Variants in CELSR1 observed in about 807,000 individuals in gnomAD.
The protein encoded by CELSR1 is cadherin EGF LAG seven-pass G-type receptor 1.
In CELSR1, 110 loss-of-function variants were observed where a neutral mutation model predicts 249.1. The ratio of observed to expected loss-of-function variants is 0.44; its 90% CI spans 0.38 to 0.52. The LOEUF (loss-of-function observed/expected upper bound fraction) is 0.52, where lower values mean the gene tolerates loss of function less well. Ranked by LOEUF, CELSR1 falls within the 20% of genes least tolerant of loss-of-function variation. The pLI is 0.00. For synonymous variants in CELSR1, 2,113 were observed against 1,900.0 expected, an observed-to-expected ratio of 1.11 and a Z score of -2.92; for missense variants, 4,109 against 4,296.4, an observed-to-expected ratio of 0.96 and a Z score of 1.22.
intron 2 of CELSR1, among the ~76,000 whole-genome samples, chr22:46,458,362 C>T (rs985431934): frequency 2.6e-5 from 4 of 152,128 alleles, no homozygotes; most frequent in South Asian, 2.1e-4. Context: ...GCATCCTGGG[C>T]GCTCCGTGAA....
Position 46,468,301 on chromosome 22 carries a change from G to A in CELSR1, c.3545-3956C>T, listed in dbSNP as rs907452232. ...CTCGGGAGGCTGAGGCAGGAGAATC[G>A]CTTGAACCCAAGAGGTGGAGGTTGT... is the stretch of plus-strand genomic sequence containing the variant. On this transcript the variant is annotated intron_variant, in intron 1 of 34. Coordinates refer to ENST00000674500, the MANE Select transcript of CELSR1 (RefSeq NM_001378328.1). This position sits in a 1 kb window ranked among gnomAD's most constrained non-coding sequence, Gnocchi z 4.5. 6.6e-6 allele frequency among the ~76,000 whole-genome samples: 1 copy of A among 151,230 alleles called. No homozygotes were observed. Among genetic ancestry groups the A allele is most frequent in the East Asian group, 1.9e-4 (1 of 5,142 alleles).
rs777442008 is a variant in CELSR1, at chr22:46,390,460, C to T, written c.6277G>A (p.Glu2093Lys). The T allele has an allele frequency of 1.9e-5, 31 of 1,613,930 alleles. No individual in the cohort carries two copies. Among genetic ancestry groups the T allele is most frequent in the Non-Finnish European group, 2.6e-5 (31 of 1,179,956 alleles). ...AGCTCTGGGGGCAGCCAGCCCTTCT[C>T]CCCGCTGCAGTGTCGGACCGCATTT... ...VGNAVRHCSGEKGWLPPELFN... is the reference protein window; with the variant it reads ...VGNAVRHCSGKKGWLPPELFN... Residue 2093 changes from glutamate to lysine, a missense_variant, in exon 17 of 35, where the codon GAG becomes AAG. Around this residue, in one of 7 missense-constraint regions of CELSR1, gnomAD observed 1,805 missense variants for 1,831.6 expected, o/e 0.99. Transcript: ENST00000674500. The surrounding 1 kb of genome is among the most constrained non-coding windows in gnomAD (Gnocchi z 6.3).
At chr22:46,378,530 GGGGGAGGGGCAGGTTTGGC>G (rs979754984) in intron 23 of CELSR1, 42 bp downstream of exon 23, 1 of 1,519,408 alleles carries the variant, frequency 6.6e-7, no homozygotes, top group Non-Finnish European at 8.9e-7. Flanking sequence ...GCAGGTTTGG[GGGGGAGGGGCAGGTTTGGC>G]GGTAGGCCCA....
chr22:46,364,447 C>T, intron 33 of CELSR1, 65 bp downstream of exon 33: 1 of 1,547,872 alleles, frequency 6.5e-7, no homozygotes, highest in Non-Finnish European at 8.8e-7. Context: ...CTCCCACCTC[C>T]AGACCAGGGA....
intron 2 of CELSR1, chr22:46,462,807 T>TTA: frequency 2.6e-6 from 1 of 383,846 alleles, no homozygotes; most frequent in East Asian, 9.3e-5. Context: ...GGGTGGCTCT[T>TTA]TATTTTTAAA....
Position 46,534,853 on chromosome 22 carries a change from G to A in CELSR1, c.2318C>T (p.Ala773Val), listed in dbSNP as rs12170597. 1,486 of 1,612,898 alleles carry A rather than the reference G, an allele frequency of 9.2e-4. 21 individuals carry two copies. In the African/African-American group the frequency reaches 0.018, roughly 19 times the overall value. Residue 773 changes from alanine to valine, a missense_variant, in exon 1 of 35, where the codon GCG (alanine) becomes GTG (valine). Ala to Val is a moderately conservative substitution (Grantham distance 64, BLOSUM62 0). Transcript: ENST00000674500. The surrounding 1 kb of genome is among the most constrained non-coding windows in gnomAD (Gnocchi z 9.7). ...TASDGTRSHTAHVLINVTDAN... is the reference protein window; with the variant it reads ...TASDGTRSHTVHVLINVTDAN... ...ATCAGTGACGTTGATTAGGACATGC[G>A]CAGTGTGCGACCGTGTGCCGTCGGA... is the stretch of plus-strand genomic sequence containing the variant.
Position 46,431,187 on chromosome 22 carries a change from C to T in CELSR1, c.4611+2206G>A, listed in dbSNP as rs766180029. On this transcript the variant is annotated intron_variant, in intron 5 of 34. Coordinates refer to ENST00000674500, the MANE Select transcript of CELSR1 (RefSeq NM_001378328.1). ...CTCTCCTCCGGGACAGTGCAGGTGG[C>T]GTCCTGCACGGGGACTTTGCTCCTC... is the stretch of plus-strand genomic sequence containing the variant. Among the ~76,000 whole-genome samples, 80 of 152,312 alleles carry T rather than the reference C, an allele frequency of 5.3e-4. 1 individual carries two copies. The highest frequency in any genetic ancestry group is 9.1e-4 in the Non-Finnish European group (62 of 68,018).
At chr22:46,461,300 C>T (rs2080023677) in intron 2 of CELSR1, among the ~76,000 whole-genome samples, 1 of 152,236 alleles carries the variant, frequency 6.6e-6, no homozygotes, top group Non-Finnish European at 1.5e-5. Context: ...GTGGGTCTTA[C>T]TGGTGATGAC....
At chr22:46,456,247 G>GTGA (rs1266267564) in intron 2 of CELSR1, among the ~76,000 whole-genome samples, 6 of 152,282 alleles carry the variant, frequency 3.9e-5, no homozygotes, top group Admixed American at 6.5e-5. Context: ...ACTCCGCAGG[G>GTGA]TGATGGCACA....
At chr22:46,507,031 C>T (rs562521725) in intron 1 of CELSR1, among the ~76,000 whole-genome samples, 2 of 152,230 alleles carry the variant, frequency 1.3e-5, no homozygotes, top group Admixed American at 1.3e-4. Flanking sequence ...ACTAAAAATA[C>T]AAAAATTAGC....
intron 1 of CELSR1, among the ~76,000 whole-genome samples, chr22:46,508,885 C>T (rs2080543810): frequency 6.6e-6 from 1 of 152,168 alleles, no homozygotes; most frequent in Non-Finnish European, 1.5e-5. Flanking sequence ...GCAGTCAGAC[C>T]CTGCTGTTGT....
At chr22:46,392,033 G>A (rs549213536) in intron 14 of CELSR1, among the ~76,000 whole-genome samples, 3 of 152,314 alleles carry the variant, frequency 2.0e-5, no homozygotes, top group African/African-American at 2.4e-5. Flanking sequence ...CAGTTCTTCC[G>A]GGAAGCACGC....
intron 5 of CELSR1, among the ~76,000 whole-genome samples, chr22:46,416,651 C>T (rs2079405420): frequency 6.6e-6 from 1 of 152,214 alleles, no homozygotes; most frequent in Non-Finnish European, 1.5e-5. Context: ...AAAAAACCTA[C>T]AGTGCCGCTG....
At chr22:46,524,160 G>A (rs1032605536) in intron 1 of CELSR1, among the ~76,000 whole-genome samples, 3 of 152,192 alleles carry the variant, frequency 2.0e-5, no homozygotes, top group Admixed American at 6.5e-5. Flanking sequence ...TCTTCCTGTC[G>A]CTACAAGCTC....
At position 46,381,073 on chromosome 22, in the gene CELSR1, A is replaced by C; in HGVS notation, c.7089-118T>G. On this transcript the variant is annotated intron_variant, in intron 21 of 34. Coordinates refer to ENST00000674500, the MANE Select transcript of CELSR1 (RefSeq NM_001378328.1). The surrounding 1 kb of genome is among the most constrained non-coding windows in gnomAD (Gnocchi z 6.0). ...GTGTTTCTAGGGGAGACAGAATCAC[A>C]CTCCGAGAGCTCGGACCCACGGACC... 8.9e-7 allele frequency: 1 copy of C among 1,121,630 alleles called. No individual in the cohort carries two copies. The highest frequency in any genetic ancestry group is 2.4e-5 in the Admixed American group (1 of 42,362). 69.5% of individuals were successfully genotyped at this position (1,121,630 alleles called of 1,614,324 possible). A position where few individuals can be genotyped will look rare whatever the true frequency, so the allele number is the denominator to read the frequency against.
chr22:46,421,957 A>G (rs986616512), intron 5 of CELSR1, among the ~76,000 whole-genome samples: 2 of 152,234 alleles, frequency 1.3e-5, no homozygotes, highest in African/African-American at 4.8e-5. Flanking sequence ...AATCAAAGCC[A>G]ACAAGGCCCT....
chr22:46,510,347 C>T (rs1001471165), intron 1 of CELSR1, among the ~76,000 whole-genome samples: 6 of 152,094 alleles, frequency 3.9e-5, no homozygotes, highest in African/African-American at 1.4e-4. Context: ...ACCCCCTTTC[C>T]GAGCCACGGA....
chr22:46,490,331 G>C lies in CELSR1; in HGVS notation c.3545-25986C>G, dbSNP rs2080355409. On this transcript the variant is annotated intron_variant, in intron 1 of 34. Coordinates refer to ENST00000674500, the MANE Select transcript of CELSR1 (RefSeq NM_001378328.1). The surrounding 1 kb of genome is among the most constrained non-coding windows in gnomAD (Gnocchi z 5.2). ...AGACAGAGTCTCGCTCTGCCACCCA[G>C]GCTGGAGTACAGCGGCGCAATCTTG... Among the ~76,000 whole-genome samples the C allele has an allele frequency of 6.6e-6, 1 of 152,090 alleles. No individual in the cohort carries two copies. The highest frequency in any genetic ancestry group is 2.4e-5 in the African/African-American group (1 of 41,406).
At chr22:46,382,707 T>G (rs187471306) in intron 20 of CELSR1, among the ~76,000 whole-genome samples, 1 of 152,202 alleles carries the variant, frequency 6.6e-6, no homozygotes, top group Admixed American at 6.5e-5. Flanking sequence ...AATGGAATAT[T>G]ACTCAGCCTT....
Sources: allele counts gnomAD v4.1 joint callset (sites outside exome capture counted in the v4.1 genomes callset), GRCh38; gene constraint gnomAD v4.1.1; regional missense constraint gnomAD v4.1.1; non-coding constraint Gnocchi (gnomAD v3.1); transcripts MANE v1.5; gene names NCBI Gene and HGNC (gene_info 2026-07-23, HGNC 2026-07-21).